Variants in ZNF200 observed in about 807,000 individuals in gnomAD.
ZNF200 encodes zinc finger protein 200.
Under a neutral mutation model 33.6 loss-of-function variants are expected in ZNF200, and 35 were observed. The ratio of observed to expected loss-of-function variants is 1.04; its 90% CI spans 0.80 to 1.38. The LOEUF (loss-of-function observed/expected upper bound fraction) is 1.38, where lower values mean the gene tolerates loss of function less well. Ranked by LOEUF, ZNF200 falls within the 40% of genes most tolerant of loss-of-function variation. The probability of loss-of-function intolerance (pLI) is 0.00; values close to 1 mark genes in which losing one functional copy is unlikely to be tolerated. For missense variants in ZNF200, 592 were observed against 470.6 expected (o/e 1.26, Z -2.39); for synonymous variants, 209 against 167.7 (o/e 1.25, Z -1.90).
At position 3,232,695 on chromosome 16, in the gene ZNF200, C is replaced by T. The variant is rs900780714; in HGVS notation, c.339+138G>A. Reference sequence around the variant, plus strand: ...AGAGGTGCAGCAAAGACAGGACAGCCAGGCTGAGAAGGGCTCAAGGAAAAA... The same window carrying T: ...AGAGGTGCAGCAAAGACAGGACAGCTAGGCTGAGAAGGGCTCAAGGAAAAA... On this transcript the variant is annotated intron_variant, in intron 3 of 4. Coordinates refer to ENST00000414144, the MANE Select transcript of ZNF200 (RefSeq NM_198088.3). 7 of 1,428,132 alleles carry T rather than the reference C, an allele frequency of 4.9e-6. No homozygotes were observed. In the African/African-American group the frequency reaches 8.5e-5, roughly 17 times the overall value. The allele number at this position is 1,428,132 out of a possible 1,614,324, so 88.5% of individuals were successfully genotyped here. A position where few individuals can be genotyped will look rare whatever the true frequency, so the allele number is the denominator to read the frequency against.
At chr16:3,231,303 A>G (rs968971940) in intron 4 of ZNF200, among the ~76,000 whole-genome samples, 1 of 152,242 alleles carries the variant, frequency 6.6e-6, no homozygotes, top group Non-Finnish European at 1.5e-5. Flanking sequence ...AATAAAGAAG[A>G]TATCACATAG....
At chr16:3,234,477 A>C (rs563194565) in intron 1 of ZNF200, among the ~76,000 whole-genome samples, 2 of 152,330 alleles carry the variant, frequency 1.3e-5, no homozygotes, top group Admixed American at 6.5e-5. Context: ...AGGAAAAAGA[A>C]AGAAAAGACA....
chr16:3,232,109 T>C (rs974066055), intron 4 of ZNF200, among the ~76,000 whole-genome samples: 1 of 152,104 alleles, frequency 6.6e-6, no homozygotes, highest in African/African-American at 2.4e-5. Flanking sequence ...AATGAAAACA[T>C]TCAAATATAC....
intron 4 of ZNF200, chr16:3,227,006 T>C (rs1958491057): frequency 6.6e-6 from 1 of 152,286 alleles, no homozygotes; most frequent in South Asian, 2.1e-4. Context: ...AGTGGCGTGA[T>C]CTCGGCTCAC....
chr16:3,224,897 G>A, intron 4 of ZNF200: 1 of 381,690 alleles, frequency 2.6e-6, no homozygotes, highest in Non-Finnish European at 4.8e-6. Flanking sequence ...TACTCGACAA[G>A]TTCATATTCA....
chr16:3,229,258 T>C (rs978673435), intron 4 of ZNF200, among the ~76,000 whole-genome samples: 1 of 152,172 alleles, frequency 6.6e-6, no homozygotes, highest in Non-Finnish European at 1.5e-5. Flanking sequence ...TCAGAATTTA[T>C]GGTATAACCT....
In ZNF200 at chr16:3,224,182, G is replaced by A. The variant is rs761667550; in HGVS notation, c.898C>T (p.Arg300Ter). Reference sequence around the variant, plus strand: ...TAAGGTTTCTCTCCTGTATGAATTCGCTCATGTTTATTGAGGTTTGTTTTA... The same window carrying A: ...TAAGGTTTCTCTCCTGTATGAATTCACTCATGTTTATTGAGGTTTGTTTTA... ...NHKTNLNKHE[R>*]IHTGEKPYSC... is the part of the protein sequence containing the mutation. The change falls in exon 5 of 5, where the codon CGA becomes TGA. Residue 300 changes from arginine to a stop codon, truncating the protein, a stop_gained. Coordinates refer to ENST00000414144, the MANE Select transcript of ZNF200 (RefSeq NM_198088.3). LOFTEE classifies it high-confidence loss of function. 1.7e-5 allele frequency: 28 copies of A among 1,613,992 alleles called. No homozygotes were observed. The highest frequency in any genetic ancestry group is 2.2e-5 in the East Asian group (1 of 44,898).
chr16:3,232,971 C>A (rs1567224415), intron 2 of ZNF200, 50 bp from the exon 3 acceptor site: 29 of 1,533,436 alleles, frequency 1.9e-5, no homozygotes, highest in Non-Finnish European at 2.6e-5. Context: ...GACTCTAACA[C>A]AGAGACTCCC....
chr16:3,230,571 T>G (rs559147201), intron 4 of ZNF200, among the ~76,000 whole-genome samples: 1 of 152,348 alleles, frequency 6.6e-6, no homozygotes, highest in Non-Finnish European at 1.5e-5. Flanking sequence ...TTCCTTATTT[T>G]TACGTGGTTC....
intron 4 of ZNF200, among the ~76,000 whole-genome samples, chr16:3,230,400 G>C (rs566861970): frequency 4.6e-5 from 7 of 152,294 alleles, no homozygotes; most frequent in African/African-American, 1.7e-4. Flanking sequence ...CATTGTGACA[G>C]ATCCTACTTT....
Position 3,224,322 on chromosome 16 carries a change from G to A in ZNF200, c.758C>T (p.Thr253Ile), listed in dbSNP as rs200496883. The A allele has an allele frequency of 9.9e-6, 16 of 1,614,086 alleles. No homozygotes were observed. The highest frequency in any genetic ancestry group is 1.3e-5 in the African/African-American group (1 of 74,936). ...TRNRRTRRWY[T>I]CPLCGKQFNE... ...AAACTGTTTCCCACACAGTGGACAA[G>A]TGTACCATCTCCTTGTCCTCCGATT... Residue 253 changes from threonine (T) to isoleucine (I), a missense_variant, in exon 5 of 5, where the codon ACT (threonine) becomes ATT (isoleucine). Transcript: ENST00000414144.
intron 2 of ZNF200, 39 bp downstream of exon 2, chr16:3,233,467 C>T (rs1351058912): frequency 6.7e-6 from 10 of 1,501,958 alleles, no homozygotes; most frequent in Admixed American, 4.7e-5. Context: ...TCCAGTACCT[C>T]CTCCTCCTCT....
intron 4 of ZNF200, chr16:3,227,308 C>T (rs939071833): frequency 6.6e-6 from 1 of 152,156 alleles, no homozygotes; most frequent in African/African-American, 2.4e-5. Flanking sequence ...GTCTTAATTA[C>T]AAAAACCTTC....
chr16:3,227,369 A>G (rs1958499718), intron 4 of ZNF200: 1 of 152,160 alleles, frequency 6.6e-6, no homozygotes, highest in Admixed American at 6.5e-5. Context: ...TGTGCTTTTT[A>G]TATTTGTTTT....
rs748933957 is a variant in ZNF200 at position 3,233,709 on chromosome 16, G to A, written c.47C>T (p.Ser16Phe). ...GTCTGGCGGAACTCTCAGTATAAAG[G>A]ACTGCTTTGGCTTTGGGGGCATAGG... ...VVPMPPKPKQ[S>F]FILRVPPDSK... Residue 16 changes from serine (S) to phenylalanine (F), a missense_variant, in exon 2 of 5, where the codon TCC becomes TTC. By Grantham distance (155) the Ser-to-Phe change is radical. Transcript: ENST00000414144. The A allele has an allele frequency of 6.2e-7, 1 of 1,613,570 alleles. No homozygotes were observed. Among genetic ancestry groups the A allele is most frequent in the South Asian group, 1.1e-5 (1 of 91,050 alleles).
intron 4 of ZNF200, chr16:3,226,646 T>G (rs1004936559): frequency 2.0e-5 from 3 of 152,260 alleles, no homozygotes; most frequent in Admixed American, 2.0e-4. Context: ...TTAACTCAAC[T>G]CTTCCTCTTT....
chr16:3,232,549 T>C lies in ZNF200; in HGVS notation c.340-2A>G. 1 of 1,613,370 alleles carries C rather than the reference T, an allele frequency of 6.2e-7. No homozygotes were observed. The highest frequency in any genetic ancestry group is 8.5e-7 in the Non-Finnish European group (1 of 1,179,910). ...CAAATCCTCAAAGACCACCAGCTCC[T>C]GAAAGAGCAAGAGGCCCCTTTCATC... On this transcript the variant is annotated splice_acceptor_variant, in intron 3 of 4. Coordinates refer to ENST00000414144, the MANE Select transcript of ZNF200 (RefSeq NM_198088.3). LOFTEE classifies it high-confidence loss of function.
In ZNF200 at chr16:3,223,217, A is replaced by G. The variant is rs1363684300; in HGVS notation, c.*675T>C. 1 of 152,284 alleles carries G rather than the reference A, an allele frequency of 6.6e-6. No individual in the cohort carries two copies. Among genetic ancestry groups the G allele is most frequent in the Admixed American group, 6.5e-5 (1 of 15,282 alleles). The allele number at this position is 152,284 out of a possible 1,614,324, so 9.4% of individuals were successfully genotyped here. A position where few individuals can be genotyped will look rare whatever the true frequency, so the allele number is the denominator to read the frequency against. On this transcript the variant is annotated 3_prime_UTR_variant, in exon 5 of 5. Transcript: ENST00000414144. ...CAGCAGAACAAAATACAATAAGAAC[A>G]GTAGACACCTAAATTATGTTGTGAA...
At position 3,232,445 on chromosome 16, in the gene ZNF200, T is replaced by C. The variant is rs1958659695; in HGVS notation, c.442A>G (p.Ser148Gly). 3 of 1,614,096 alleles carry C rather than the reference T, an allele frequency of 1.9e-6. No individual in the cohort carries two copies. Among genetic ancestry groups the C allele is most frequent in the South Asian group, 1.1e-5 (1 of 91,088 alleles). Residue 148 changes from serine (S) to glycine (G), a missense_variant, in exon 4 of 5, where the codon AGT (serine) becomes GGT (glycine). Coordinates refer to ENST00000414144, the MANE Select transcript of ZNF200 (RefSeq NM_198088.3). ...QLTSEKEDDS[S>G]VGEMMLLAVN... ...CCCAGTAACATCATTTCCCCGACAC[T>C]GCTGTCATCTTCCTTCTCTGACGTG...
Sources: gnomAD v4.1 joint callset for allele counts (sites outside exome capture counted in the v4.1 genomes callset) on GRCh38, gnomAD v4.1.1 for gene constraint, MANE v1.5 for transcripts, NCBI Gene and HGNC (gene_info 2026-07-23, HGNC 2026-07-21) for gene names.